The following BLNK variants were observed in gnomAD, a reference collection of about 807,000 sequenced individuals.
BLNK encodes B cell linker.
Under a neutral mutation model 73.5 loss-of-function variants are expected in BLNK, and 29 were observed. That is an observed-to-expected ratio of 0.39 (90% CI 0.29 to 0.54). The LOEUF is 0.54. BLNK is among the 20% of genes least tolerant of loss of function. BLNK has a pLI of 0.61. For synonymous variants in BLNK, 176 were observed against 200.8 expected (o/e 0.88, Z 1.04); for missense variants, 460 against 562.8 (o/e 0.82, Z 1.85).
At chr10:96,236,654 T>G (rs1842701745) in intron 3 of BLNK, among the ~76,000 whole-genome samples, 1 of 151,934 alleles carries the variant, frequency 6.6e-6, no homozygotes, top group Non-Finnish European at 1.5e-5. Flanking sequence ...AGACATTGTC[T>G]CTACAAAAAA....
At chr10:96,270,233 C>T (rs576653623) in intron 1 of BLNK, among the ~76,000 whole-genome samples, 1 of 152,300 alleles carries the variant, frequency 6.6e-6, no homozygotes, top group East Asian at 1.9e-4. Context: ...TACCAAGCAC[C>T]TCCTAGGCAT....
At chr10:96,270,047 C>T (rs1844202869) in intron 1 of BLNK, among the ~76,000 whole-genome samples, 2 of 152,176 alleles carry the variant, frequency 1.3e-5, no homozygotes, top group African/African-American at 4.8e-5. Flanking sequence ...TCCATTGTAT[C>T]ACCCCCGCCC....
chr10:96,266,627 C>G (rs1329909572), intron 1 of BLNK, among the ~76,000 whole-genome samples: 1 of 152,170 alleles, frequency 6.6e-6, no homozygotes, highest in Non-Finnish European at 1.5e-5. Flanking sequence ...GCAAGATGGT[C>G]CAGTTAAGTG....
At chr10:96,238,420 A>T (rs1275442723) in intron 3 of BLNK, among the ~76,000 whole-genome samples, 2 of 152,170 alleles carry the variant, frequency 1.3e-5, no homozygotes, top group African/African-American at 4.8e-5. Flanking sequence ...TGGCTGGAGC[A>T]TTTCAGGAGC....
intron 13 of BLNK, among the ~76,000 whole-genome samples, chr10:96,202,142 G>T (rs1554896374): frequency 6.6e-6 from 1 of 152,144 alleles, no homozygotes; most frequent in African/African-American, 2.4e-5. Flanking sequence ...CAGACAGGAG[G>T]CAATGAAGGG....
intron 1 of BLNK, among the ~76,000 whole-genome samples, chr10:96,255,073 G>GT (rs1265684450): frequency 6.6e-6 from 1 of 152,144 alleles, no homozygotes; most frequent in Non-Finnish European, 1.5e-5. Context: ...GGAGAACTTT[G>GT]TACATACCCC....
intron 1 of BLNK, among the ~76,000 whole-genome samples, chr10:96,248,245 G>A (rs537573177): frequency 2.8e-4 from 43 of 152,310 alleles, no homozygotes; most frequent in African/African-American, 9.9e-4. Flanking sequence ...CAAAAACTAC[G>A]ATTATTTTTG....
intron 1 of BLNK, among the ~76,000 whole-genome samples, chr10:96,269,794 C>G (rs1844190725): frequency 6.6e-6 from 1 of 152,206 alleles, no homozygotes; most frequent in Non-Finnish European, 1.5e-5. Flanking sequence ...ATTCCCTACT[C>G]TTTAGTTTCT....
intron 7 of BLNK, chr10:96,216,117 A>G (rs139118683): frequency 7.8e-4 from 137 of 175,840 alleles, no homozygotes; most frequent in African/African-American, 3.0e-3. Flanking sequence ...CCCTGTTTCC[A>G]TGCCTAATCT....
chr10:96,235,153 T>G (rs1306828632), intron 3 of BLNK, among the ~76,000 whole-genome samples: 1 of 152,064 alleles, frequency 6.6e-6, no homozygotes, highest in Non-Finnish European at 1.5e-5. Flanking sequence ...AGCTCTGGGG[T>G]CAGACTGCCT....
At position 96,271,509 on chromosome 10, in the gene BLNK, A is replaced by G. The variant is rs1844270602; in HGVS notation, c.-111T>C. The G allele has an allele frequency of 8.7e-7, 1 of 1,152,924 alleles. No individual in the cohort carries two copies. The highest frequency in any genetic ancestry group is 1.3e-6 in the Non-Finnish European group (1 of 765,798). The allele number at this position is 1,152,924 out of a possible 1,614,324, so 71.4% of individuals were successfully genotyped here. A position where few individuals can be genotyped will look rare whatever the true frequency, so the allele number is the denominator to read the frequency against. On this transcript the variant is annotated 5_prime_UTR_variant, in exon 1 of 17. Coordinates refer to ENST00000224337, the MANE Select transcript of BLNK (RefSeq NM_013314.4). ...GCCTCTGGTCTCAAGGGTTCCGGCCACTCAAGTCTGATTTCTGAGAGTGCA... is the reference window on the plus strand; with the variant it reads ...GCCTCTGGTCTCAAGGGTTCCGGCCGCTCAAGTCTGATTTCTGAGAGTGCA...
At chr10:96,193,871 A>G (rs1554894056) in intron 16 of BLNK, among the ~76,000 whole-genome samples, 1 of 152,242 alleles carries the variant, frequency 6.6e-6, no homozygotes. Context: ...GATTGACATC[A>G]TGTAACCAAC....
chr10:96,191,729 A>G lies in BLNK; in HGVS notation c.*244T>C, dbSNP rs966489935. On this transcript the variant is annotated 3_prime_UTR_variant, in exon 17 of 17. Transcript: ENST00000224337. ...TTTAAAAATAAAAATATTTATTTGG[A>G]AAATATTAGTAGCATGATAACTCAA... 3 of 375,200 alleles carry G rather than the reference A, an allele frequency of 8.0e-6. No individual in the cohort carries two copies. Among genetic ancestry groups the G allele is most frequent in the Non-Finnish European group, 1.4e-5 (3 of 207,208 alleles). The allele number at this position is 375,200 out of a possible 1,614,324, so 23.2% of individuals were successfully genotyped here.
chr10:96,214,778 T>G (rs1564823765), intron 8 of BLNK, among the ~76,000 whole-genome samples: 1 of 152,148 alleles, frequency 6.6e-6, no homozygotes, highest in African/African-American at 2.4e-5. Context: ...AATCATTCTC[T>G]CTCCTCAGCA....
At chr10:96,235,629 C>T (rs930338256) in intron 3 of BLNK, among the ~76,000 whole-genome samples, 1 of 152,074 alleles carries the variant, frequency 6.6e-6, no homozygotes, top group African/African-American at 2.4e-5. Flanking sequence ...TTGCCAGGAG[C>T]GGGGAAAGTT....
chr10:96,196,530 TG>T (rs1453428828), intron 16 of BLNK, among the ~76,000 whole-genome samples: 1 of 152,232 alleles, frequency 6.6e-6, no homozygotes, highest in East Asian at 1.9e-4. Flanking sequence ...TAACCTACCT[TG>T]GTACTTGAGT....
intron 11 of BLNK, among the ~76,000 whole-genome samples, chr10:96,206,698 A>C (rs1316669592): frequency 6.6e-6 from 1 of 152,242 alleles, no homozygotes; most frequent in African/African-American, 2.4e-5. Flanking sequence ...TAAGTAAGCT[A>C]TTAGTTCTAA....
chr10:96,203,843 A>G, intron 13 of BLNK: 1 of 432,056 alleles, frequency 2.3e-6, no homozygotes, highest in Middle Eastern at 6.2e-4. Flanking sequence ...GCTACTAAAA[A>G]AAGTAAAAAT....
At chr10:96,264,156 A>T (rs534827421) in intron 1 of BLNK, among the ~76,000 whole-genome samples, 3 of 152,334 alleles carry the variant, frequency 2.0e-5, no homozygotes, top group Admixed American at 2.0e-4. Context: ...TTAAACCTCA[A>T]CATCTGACAG....
Sources: allele counts gnomAD v4.1 joint callset (sites outside exome capture counted in the v4.1 genomes callset), GRCh38; gene constraint gnomAD v4.1.1; transcripts MANE v1.5; gene names NCBI Gene and HGNC (gene_info 2026-07-23, HGNC 2026-07-21).